The following RSRC1 variants were observed in gnomAD, a reference collection of about 807,000 sequenced individuals.
RSRC1 encodes serine/Arginine-related protein 53.
In RSRC1, 39 loss-of-function variants were observed where a neutral mutation model predicts 49.1. That is an observed-to-expected ratio of 0.79 (90% CI 0.61 to 1.04). The LOEUF (loss-of-function observed/expected upper bound fraction) is 1.04, where lower values mean the gene tolerates loss of function less well. Among genes scored for constraint, RSRC1 ranks in the 50% least tolerant of loss-of-function variants. RSRC1 has a pLI of 0.00. For synonymous variants in RSRC1, 143 were observed against 130.8 expected, an observed-to-expected ratio of 1.09 and a Z score of -0.63; for missense variants, 388 against 402.4, an observed-to-expected ratio of 0.96 and a Z score of 0.31.
intron 8 of RSRC1, among the ~76,000 whole-genome samples, chr3:158,538,222 C>G (rs943680808): frequency 3.3e-5 from 5 of 151,776 alleles, no homozygotes; most frequent in African/African-American, 1.2e-4. Flanking sequence ...TTACCATATA[C>G]TTTTTAAAAT....
chr3:158,457,999 A>G (rs1309456510), intron 6 of RSRC1, among the ~76,000 whole-genome samples: 9 of 152,104 alleles, frequency 5.9e-5, no homozygotes, highest in Non-Finnish European at 1.5e-5. Context: ...ATGAAAAGGA[A>G]TATGTTCTAA....
chr3:158,432,432 C>G (rs1472577514), intron 6 of RSRC1, among the ~76,000 whole-genome samples: 1 of 151,908 alleles, frequency 6.6e-6, no homozygotes, highest in African/African-American at 2.4e-5. Context: ...ATTGCTATTA[C>G]TGAATTTTAT....
rs371553422 is a variant in RSRC1, at chr3:158,195,930, G to T, written c.321-7142G>T. Reference sequence around the variant, plus strand: ...GTAGTATAGTTTGAAGTCAGGTAGCGTGATGCCTCCAGCTTTGTTCTTTTG... The same window carrying T: ...GTAGTATAGTTTGAAGTCAGGTAGCTTGATGCCTCCAGCTTTGTTCTTTTG... On this transcript the variant is annotated intron_variant, in intron 3 of 9. Transcript: ENST00000611884. Among the ~76,000 whole-genome samples, 7 of 152,038 alleles carry T rather than the reference G, an allele frequency of 4.6e-5. No homozygotes were observed. The East Asian group carries it at 1.4e-3, about 29-fold the overall frequency.
chr3:158,120,248 C>T (rs1381791029), intron 1 of RSRC1, among the ~76,000 whole-genome samples: 1 of 152,062 alleles, frequency 6.6e-6, no homozygotes, highest in African/African-American at 2.4e-5. Flanking sequence ...ATCTTCAAAA[C>T]CAAGTCTTCC....
chr3:158,484,357 G>T (rs988081327), intron 7 of RSRC1, among the ~76,000 whole-genome samples: 1 of 152,080 alleles, frequency 6.6e-6, no homozygotes, highest in African/African-American at 2.4e-5. Flanking sequence ...GCCCATGTGG[G>T]CAGAAAGAAT....
At chr3:158,117,245 G>T (rs1714895661) in intron 1 of RSRC1, among the ~76,000 whole-genome samples, 1 of 152,078 alleles carries the variant, frequency 6.6e-6, no homozygotes, top group African/African-American at 2.4e-5. Flanking sequence ...GAGATATACT[G>T]GGTATGTCTT....
chr3:158,174,937 T>C (rs748754955), intron 3 of RSRC1, among the ~76,000 whole-genome samples: 3 of 152,060 alleles, frequency 2.0e-5, no homozygotes, highest in Non-Finnish European at 4.4e-5. Flanking sequence ...ATCCCTACCA[T>C]TGGTATATGA....
intron 6 of RSRC1, among the ~76,000 whole-genome samples, chr3:158,426,924 G>A (rs1194827326): frequency 6.6e-6 from 1 of 151,764 alleles, no homozygotes; most frequent in Non-Finnish European, 1.5e-5. Context: ...TAGTCAGTTG[G>A]TTCTGTTCCC....
At chr3:158,157,840 C>T (rs1186962801) in intron 3 of RSRC1, among the ~76,000 whole-genome samples, 1 of 151,942 alleles carries the variant, frequency 6.6e-6, no homozygotes, top group Non-Finnish European at 1.5e-5. Flanking sequence ...GCTTGAACCC[C>T]GGAGGTGGAG....
intron 6 of RSRC1, among the ~76,000 whole-genome samples, chr3:158,408,005 A>T (rs1311639541): frequency 1.3e-5 from 2 of 152,150 alleles, no homozygotes; most frequent in Non-Finnish European, 2.9e-5. Context: ...TATGATTTTT[A>T]CAAGTTAGAT....
At chr3:158,268,914 T>C (rs1018515740) in intron 4 of RSRC1, among the ~76,000 whole-genome samples, 1 of 152,182 alleles carries the variant, frequency 6.6e-6, no homozygotes, top group Non-Finnish European at 1.5e-5. Context: ...TCTGTTATCT[T>C]AAACATTGAA....
intron 5 of RSRC1, among the ~76,000 whole-genome samples, chr3:158,335,960 A>C (rs912940040): frequency 1.3e-5 from 2 of 152,200 alleles, no homozygotes; most frequent in Non-Finnish European, 2.9e-5. Context: ...CCTCTAGATT[A>C]AGTGCACAGT....
intron 5 of RSRC1, among the ~76,000 whole-genome samples, chr3:158,328,280 GT>G (rs2108187185): frequency 6.6e-6 from 1 of 152,286 alleles, no homozygotes; most frequent in African/African-American, 2.4e-5. Context: ...TCATTATGAT[GT>G]TAGCTGCTTA....
Position 158,118,466 on chromosome 3 carries a change from CGT to C in RSRC1, c.-2-3635_-2-3634del, listed in dbSNP as rs1174678471. 5.8e-3 allele frequency among the ~76,000 whole-genome samples: 386 copies of C among 66,168 alleles called. 8 individuals carry two copies. Among genetic ancestry groups the C allele is most frequent in the African/African-American group, 0.014 (243 of 17,154 alleles). 43.4% of individuals were successfully genotyped at this position (66,168 alleles called of 152,430 possible). ...GTGTGTGTGTGTGTGTGTGTGTGCG[CGT>C]GCGCGTGGTTTTTTTAAATTGTCCT... On this transcript the variant is annotated intron_variant, in intron 1 of 9. Transcript: ENST00000611884.
intron 3 of RSRC1, among the ~76,000 whole-genome samples, chr3:158,164,247 G>A (rs1456628036): frequency 2.0e-5 from 3 of 152,032 alleles, no homozygotes; most frequent in Admixed American, 6.6e-5. Flanking sequence ...AAATTACAGA[G>A]AAGCAGGAGA....
chr3:158,196,964 T>G (rs1338577772), intron 3 of RSRC1, among the ~76,000 whole-genome samples: 1 of 152,172 alleles, frequency 6.6e-6, no homozygotes, highest in Non-Finnish European at 1.5e-5. Flanking sequence ...AAAATTCTCT[T>G]TTTTTGTTGT....
At chr3:158,429,104 A>G (rs959661918) in intron 6 of RSRC1, among the ~76,000 whole-genome samples, 1 of 151,884 alleles carries the variant, frequency 6.6e-6, no homozygotes, top group African/African-American at 2.4e-5. Flanking sequence ...TTTAGGCATC[A>G]TTATTAGAGG....
At chr3:158,489,613 T>A (rs1433743395) in intron 7 of RSRC1, among the ~76,000 whole-genome samples, 1 of 152,040 alleles carries the variant, frequency 6.6e-6, no homozygotes, top group East Asian at 1.9e-4. Context: ...AAAACATGGG[T>A]AGTATTTCAA....
intron 5 of RSRC1, among the ~76,000 whole-genome samples, chr3:158,299,306 CTT>C (rs1727403321): frequency 6.6e-6 from 1 of 151,690 alleles, no homozygotes; most frequent in African/African-American, 2.4e-5. Context: ...TATGAGGTGT[CTT>C]TTATTTTTTA....
Sources: allele counts gnomAD v4.1 joint callset (sites outside exome capture counted in the v4.1 genomes callset), GRCh38; gene constraint gnomAD v4.1.1; transcripts MANE v1.5; gene names NCBI Gene and HGNC (gene_info 2026-07-23, HGNC 2026-07-21).